PRRC2B: variants seen among roughly 807,000 people sequenced by gnomAD.
The protein encoded by PRRC2B is protein PRRC2B.
In PRRC2B, 68 loss-of-function variants were observed where a neutral mutation model predicts 242.3. That is an observed-to-expected ratio of 0.28 (90% CI 0.23 to 0.34). PRRC2B has a LOEUF of 0.34. PRRC2B is among the 10% of genes least tolerant of loss of function. The pLI is 1.00. For missense variants in PRRC2B, 2,835 were observed against 2,954.8 expected (o/e 0.96, Z 0.94); for synonymous variants, 1,228 against 1,173.6 (o/e 1.05, Z -0.95).
At chr9:131,424,647 C>G (rs2994044) in intron 1 of PRRC2B, among the ~76,000 whole-genome samples, 3,399 of 152,174 alleles carry the variant, frequency 0.022, 55 homozygotes, top group Middle Eastern at 0.048. Flanking sequence ...GATTGTGCCA[C>G]TGCACTCCAG....
At chr9:131,395,834 T>G (rs1429845392) in intron 1 of PRRC2B, among the ~76,000 whole-genome samples, 1 of 152,168 alleles carries the variant, frequency 6.6e-6, no homozygotes, top group African/African-American at 2.4e-5. Flanking sequence ...TAGAACTTAG[T>G]AGACCCGGAG....
At chr9:131,418,694 G>T (rs567327536) in intron 1 of PRRC2B, among the ~76,000 whole-genome samples, 1 of 152,298 alleles carries the variant, frequency 6.6e-6, no homozygotes, top group African/African-American at 2.4e-5. Flanking sequence ...CAGCTGGCTG[G>T]GACGTGGCCT....
At chr9:131,441,937 A>C (rs1052105496) in intron 5 of PRRC2B, among the ~76,000 whole-genome samples, 4 of 151,820 alleles carry the variant, frequency 2.6e-5, no homozygotes, top group African/African-American at 2.4e-5. Context: ...GGTGAACATC[A>C]TAAAACATTG....
intron 9 of PRRC2B, 26 bp from the exon 10 acceptor site, chr9:131,455,050 C>T (rs1440709327): frequency 1.3e-6 from 2 of 1,579,798 alleles, no homozygotes; most frequent in South Asian, 2.3e-5. Flanking sequence ...CTTTCTCATT[C>T]TTCCTGGGCC....
chr9:131,431,585 ATT>A (rs756659610), intron 2 of PRRC2B, among the ~76,000 whole-genome samples: 4 of 133,076 alleles, frequency 3.0e-5, no homozygotes, highest in Non-Finnish European at 1.6e-5. Flanking sequence ...TTAATAAAGA[ATT>A]TTTTTTTTTT....
chr9:131,447,993 A>AAGCCATTAGCTTCTTTTGGTCTTT, intron 9 of PRRC2B, 189 bp downstream of exon 9: 1 of 477,584 alleles, frequency 2.1e-6, no homozygotes, highest in Non-Finnish European at 3.5e-6. Flanking sequence ...CTTCCTGGCC[A>AAGCCATTAGCTTCTTTTGGTCTTT]AGCCATTAGC....
intron 1 of PRRC2B, among the ~76,000 whole-genome samples, chr9:131,411,938 TC>T (rs1192418103): frequency 6.6e-6 from 1 of 151,626 alleles, no homozygotes; most frequent in East Asian, 1.9e-4. Flanking sequence ...GTAGCTGGGA[TC>T]CAGGCATGTG....
chr9:131,395,805 A>G (rs528496847), intron 1 of PRRC2B, among the ~76,000 whole-genome samples: 87 of 152,322 alleles, frequency 5.7e-4, no homozygotes, highest in African/African-American at 2.1e-3. Flanking sequence ...GATGGGAAAA[A>G]GTAGCATTTG....
At chr9:131,430,550 G>GGGGTGTGT (rs1554759920) in intron 2 of PRRC2B, among the ~76,000 whole-genome samples, 13 of 82,660 alleles carry the variant, frequency 1.6e-4, no homozygotes, top group Non-Finnish European at 2.3e-4. Context: ...GATATCTATA[G>GGGGTGTGT]GTGTGTGTGT....
intron 5 of PRRC2B, among the ~76,000 whole-genome samples, chr9:131,441,546 AAG>A (rs1379285208): frequency 6.6e-6 from 1 of 152,208 alleles, no homozygotes; most frequent in Non-Finnish European, 1.5e-5. Flanking sequence ...TAAAAAAACA[AAG>A]AAAATAATTG....
chr9:131,491,130 T>G, intron 28 of PRRC2B: 4 of 368,028 alleles, frequency 1.1e-5, no homozygotes, highest in South Asian at 4.7e-5. Flanking sequence ...GAGATGTGGA[T>G]GAGACACACT....
chr9:131,405,291 A>G (rs1837332596), intron 1 of PRRC2B, among the ~76,000 whole-genome samples: 1 of 152,202 alleles, frequency 6.6e-6, no homozygotes, highest in Non-Finnish European at 1.5e-5. Context: ...AGCCAGGTCT[A>G]AGGTTGATTT....
chr9:131,464,003 G>A (rs1414332882), intron 11 of PRRC2B, among the ~76,000 whole-genome samples: 6 of 151,112 alleles, frequency 4.0e-5, no homozygotes, highest in African/African-American at 1.5e-4. Context: ...GTGCAGTGGC[G>A]CGATCTCGGC....
chr9:131,495,928 G>T lies in PRRC2B; in HGVS notation c.*54G>T. 1 of 1,576,630 alleles carries T rather than the reference G, an allele frequency of 6.3e-7. No individual in the cohort carries two copies. Among genetic ancestry groups the T allele is most frequent in the Non-Finnish European group, 8.7e-7 (1 of 1,155,654 alleles). ...CTACTGAGGACGGTGCCGCCATGCG[G>T]CCTCGACACAGCCGACACTCGGGAG... On this transcript the variant is annotated 3_prime_UTR_variant, in exon 32 of 32. Coordinates refer to ENST00000683519, the MANE Select transcript of PRRC2B (RefSeq NM_013318.4).
intron 31 of PRRC2B, among the ~76,000 whole-genome samples, chr9:131,495,536 T>A (rs1403356363): frequency 6.6e-6 from 1 of 152,046 alleles, no homozygotes; most frequent in East Asian, 1.9e-4. Context: ...CACTCAGGGC[T>A]TATGGGGAGG....
At chr9:131,437,699 C>T (rs560739310) in intron 4 of PRRC2B, among the ~76,000 whole-genome samples, 93 of 152,332 alleles carry the variant, frequency 6.1e-4, no homozygotes, top group African/African-American at 2.0e-3. Context: ...AACACTGAAC[C>T]GTGCTTTTAA....
intron 1 of PRRC2B, among the ~76,000 whole-genome samples, chr9:131,424,115 T>A (rs977183028): frequency 6.6e-6 from 1 of 152,184 alleles, no homozygotes; most frequent in Admixed American, 6.5e-5. Context: ...TTTTTAAATA[T>A]AGTTTTAGTA....
At chr9:131,401,235 C>T (rs1436297195) in intron 1 of PRRC2B, among the ~76,000 whole-genome samples, 1 of 152,074 alleles carries the variant, frequency 6.6e-6, no homozygotes, top group East Asian at 1.9e-4. Context: ...AGTTGAGTGG[C>T]GTGAAGCACT....
intron 1 of PRRC2B, among the ~76,000 whole-genome samples, chr9:131,382,731 G>A (rs1048634940): frequency 2.0e-5 from 3 of 148,602 alleles, no homozygotes; most frequent in East Asian, 2.0e-4. Flanking sequence ...AGCAACCTTC[G>A]TCTCCCAAGC....
Sources: allele counts gnomAD v4.1 joint callset (sites outside exome capture counted in the v4.1 genomes callset), GRCh38; gene constraint gnomAD v4.1.1; transcripts MANE v1.5; gene names NCBI Gene and HGNC (gene_info 2026-07-23, HGNC 2026-07-21).